The following DCDC1 variants were observed in gnomAD, a reference collection of about 807,000 sequenced individuals.
The protein encoded by DCDC1 is doublecortin domain-containing protein 1.
Under a neutral mutation model 178.3 loss-of-function variants are expected in DCDC1, and 200 were observed. The observed-to-expected ratio is 1.12, with a 90% confidence interval of 1.00 to 1.26. The LOEUF (loss-of-function observed/expected upper bound fraction) is 1.26. Ranked by LOEUF, DCDC1 falls within the 50% of genes most tolerant of loss-of-function variation. The probability of loss-of-function intolerance (pLI) is 0.00; values close to 1 mark genes in which losing one functional copy is unlikely to be tolerated. For missense variants in DCDC1, 1,983 were observed against 1,749.2 expected (o/e 1.13, Z -2.38); for synonymous variants, 690 against 604.8 (o/e 1.14, Z -2.07).
At chr11:30,939,603 C>T (rs1947501554) in intron 21 of DCDC1, among the ~76,000 whole-genome samples, 1 of 152,106 alleles carries the variant, frequency 6.6e-6, no homozygotes. Flanking sequence ...CATTATTCCC[C>T]TTGTAAGGTT....
At position 30,886,003 on chromosome 11, in the gene DCDC1, G is replaced by A. The variant is rs75946765; in HGVS notation, c.5083-4695C>T. Among the ~76,000 whole-genome samples the A allele has an allele frequency of 3.4e-4, 52 of 152,112 alleles. No individual in the cohort carries two copies. The East Asian group carries it at 8.9e-3, about 26-fold the overall frequency. The stretch of plus-strand genomic sequence containing the variant: ...CATCAATTTGATAGAAGGTTATGAC[G>A]CCGTTGAAAATAATGTTTTTTTAAG... On this transcript the variant is annotated intron_variant, in intron 36 of 38. Transcript: ENST00000684477.
intron 6 of DCDC1, among the ~76,000 whole-genome samples, chr11:31,304,954 T>C (rs1431827458): frequency 6.6e-6 from 1 of 152,146 alleles, no homozygotes; most frequent in African/African-American, 2.4e-5. Flanking sequence ...TGTATTCTTT[T>C]CCACTGAGGA....
At chr11:31,206,641 C>T (rs1971901927) in intron 9 of DCDC1, among the ~76,000 whole-genome samples, 1 of 152,134 alleles carries the variant, frequency 6.6e-6, no homozygotes, top group South Asian at 2.1e-4. Context: ...ACTTGAACTC[C>T]TGACCTTGTG....
chr11:31,160,868 T>C (rs1565367363), intron 9 of DCDC1, among the ~76,000 whole-genome samples: 1 of 152,192 alleles, frequency 6.6e-6, no homozygotes, highest in Non-Finnish European at 1.5e-5. Context: ...GCCTCAGCGA[T>C]GCTAAAATCA....
chr11:31,358,703 A>G (rs901966560), intron 1 of DCDC1, among the ~76,000 whole-genome samples: 1 of 152,226 alleles, frequency 6.6e-6, no homozygotes, highest in Admixed American at 6.5e-5. Context: ...ACAAAGGGCT[A>G]ATATCCAGAA....
chr11:31,176,083 A>G (rs1480902986), intron 9 of DCDC1, among the ~76,000 whole-genome samples: 2 of 152,262 alleles, frequency 1.3e-5, no homozygotes, highest in African/African-American at 2.4e-5. Flanking sequence ...ATGCCTAAAA[A>G]GAAAATCTAA....
intron 3 of DCDC1, among the ~76,000 whole-genome samples, chr11:31,313,761 T>A (rs1161017547): frequency 2.0e-5 from 3 of 152,124 alleles, no homozygotes; most frequent in Non-Finnish European, 2.9e-5. Context: ...GCATGTGAAT[T>A]CCTAAACCAG....
Position 31,247,252 on chromosome 11 carries a change from A to T in DCDC1, c.1055-5636T>A, listed in dbSNP as rs1253436701. ...TATGAAATCTTAGAAAGTCCTCTCC[A>T]TTTTGAAAATGCAGCCTGAGTCATG... On this transcript the variant is annotated intron_variant, in intron 8 of 38. Coordinates refer to ENST00000684477, the MANE Select transcript of DCDC1 (RefSeq NM_001387274.1). Among the ~76,000 whole-genome samples, 4 of 152,078 alleles carry T rather than the reference A, an allele frequency of 2.6e-5. No individual in the cohort carries two copies. In the East Asian group the frequency reaches 7.8e-4, roughly 29 times the overall value.
intron 20 of DCDC1, among the ~76,000 whole-genome samples, chr11:30,983,476 CAT>C (rs1231952680): frequency 6.6e-6 from 1 of 152,144 alleles, no homozygotes; most frequent in East Asian, 1.9e-4. Flanking sequence ...ATTCTAAATT[CAT>C]ATAACTTTTA....
intron 1 of DCDC1, among the ~76,000 whole-genome samples, chr11:31,359,316 C>T (rs1188756287): frequency 6.6e-6 from 1 of 151,590 alleles, no homozygotes; most frequent in Admixed American, 6.6e-5. Flanking sequence ...TCATCATTCT[C>T]GGTAAACTAT....
At chr11:31,124,089 T>C (rs1961217914) in intron 11 of DCDC1, among the ~76,000 whole-genome samples, 1 of 152,084 alleles carries the variant, frequency 6.6e-6, no homozygotes, top group East Asian at 1.9e-4. Context: ...GGCATCCTTG[T>C]CTTGTACCAG....
intron 20 of DCDC1, among the ~76,000 whole-genome samples, chr11:30,996,952 G>C (rs1486543447): frequency 6.6e-6 from 1 of 152,106 alleles, no homozygotes; most frequent in Non-Finnish European, 1.5e-5. Flanking sequence ...CCTTTCAACA[G>C]TTGAACACAT....
intron 19 of DCDC1, 140 bp from the exon 20 acceptor site, chr11:31,064,766 CAAAAG>C (rs751123080): frequency 5.2e-6 from 3 of 578,544 alleles, no homozygotes; most frequent in South Asian, 2.3e-5. Flanking sequence ...TGTACGTGGC[CAAAAG>C]AAAAGAAGGC....
chr11:31,181,979 AG>A (rs1565396343), intron 9 of DCDC1, among the ~76,000 whole-genome samples: 1 of 152,206 alleles, frequency 6.6e-6, no homozygotes, highest in East Asian at 1.9e-4. Flanking sequence ...ATCAAGTTGA[AG>A]AAAGGATATG....
chr11:31,200,371 G>A (rs1971145049), intron 9 of DCDC1, among the ~76,000 whole-genome samples: 1 of 151,990 alleles, frequency 6.6e-6, no homozygotes, highest in Non-Finnish European at 1.5e-5. Flanking sequence ...TAGATTCACT[G>A]ACATTAATGT....
intron 38 of DCDC1, among the ~76,000 whole-genome samples, chr11:30,873,311 A>T (rs1431132990): frequency 6.7e-6 from 1 of 149,066 alleles, no homozygotes; most frequent in African/African-American, 2.5e-5. Context: ...GTATATAAAA[A>T]TGTATAAATA....
chr11:30,971,444 A>C (rs1949771865), intron 20 of DCDC1, among the ~76,000 whole-genome samples: 1 of 152,138 alleles, frequency 6.6e-6, no homozygotes, highest in Non-Finnish European at 1.5e-5. Flanking sequence ...TCAAATATAA[A>C]TGAGAAATTT....
At chr11:31,005,856 T>C (rs1951809084) in intron 20 of DCDC1, among the ~76,000 whole-genome samples, 1 of 151,154 alleles carries the variant, frequency 6.6e-6, no homozygotes. Flanking sequence ...CCATTCTTTT[T>C]AAATTTTTGA....
At chr11:31,064,702 A>G in intron 19 of DCDC1, 76 bp from the exon 20 acceptor site, 1 of 721,584 alleles carries the variant, frequency 1.4e-6, no homozygotes, top group Non-Finnish European at 2.5e-6. Flanking sequence ...TGCCAAAAAT[A>G]TAACACTGCA....
Sources: gnomAD v4.1 joint callset for allele counts (sites outside exome capture counted in the v4.1 genomes callset) on GRCh38, gnomAD v4.1.1 for gene constraint, MANE v1.5 for transcripts, NCBI Gene and HGNC (gene_info 2026-07-23, HGNC 2026-07-21) for gene names.